Variants in TCF7L1 observed in about 807,000 individuals in gnomAD.
TCF7L1 encodes the protein transcription factor 7-like 1.
A neutral mutation model predicts 63.7 loss-of-function variants in TCF7L1; 18 were observed. That is an observed-to-expected ratio of 0.28 (90% CI 0.20 to 0.42). The LOEUF is 0.42. TCF7L1 is among the 10% of genes least tolerant of loss of function. The probability of loss-of-function intolerance (pLI) is 1.00; values close to 1 mark genes in which losing one functional copy is unlikely to be tolerated. For missense variants in TCF7L1, 654 were observed against 779.3 expected (o/e 0.84, Z 1.91); for synonymous variants, 355 against 340.9 (o/e 1.04, Z -0.46).
chr2:85,284,875 C>T (rs1436920594), intron 4 of TCF7L1, among the ~76,000 whole-genome samples: 2 of 152,166 alleles, frequency 1.3e-5, no homozygotes, highest in Non-Finnish European at 2.9e-5. Flanking sequence ...CCCAGAATTT[C>T]CCTCCTGCTA....
At chr2:85,168,492 T>G (rs1042168019) in intron 3 of TCF7L1, among the ~76,000 whole-genome samples, 2 of 151,990 alleles carry the variant, frequency 1.3e-5, no homozygotes, top group African/African-American at 4.8e-5. Flanking sequence ...TCAGGTGGTG[T>G]GGGGGTGTCG....
At chr2:85,164,498 G>T (rs772494357) in intron 3 of TCF7L1, among the ~76,000 whole-genome samples, 7 of 152,172 alleles carry the variant, frequency 4.6e-5, no homozygotes, top group Non-Finnish European at 1.0e-4. Flanking sequence ...GAACAGGTTG[G>T]GGAGTGGCAG....
chr2:85,206,522 T>G (rs1679413876), intron 3 of TCF7L1, among the ~76,000 whole-genome samples: 1 of 152,236 alleles, frequency 6.6e-6, no homozygotes, highest in African/African-American at 2.4e-5. Flanking sequence ...AAGTCATGAT[T>G]TCATTTAATT....
At chr2:85,163,147 C>T (rs1049888153) in intron 3 of TCF7L1, among the ~76,000 whole-genome samples, 3 of 152,164 alleles carry the variant, frequency 2.0e-5, no homozygotes, top group Admixed American at 6.5e-5. Context: ...AATGGTCATG[C>T]CCAGCCTCCA....
intron 3 of TCF7L1, among the ~76,000 whole-genome samples, chr2:85,179,805 G>A (rs1678759165): frequency 6.6e-6 from 1 of 152,136 alleles, no homozygotes; most frequent in South Asian, 2.1e-4. Flanking sequence ...TCCACGGCAA[G>A]TGCATAAAAA....
intron 4 of TCF7L1, among the ~76,000 whole-genome samples, chr2:85,299,696 G>A (rs1681917743): frequency 1.3e-5 from 2 of 151,664 alleles, no homozygotes; most frequent in South Asian, 2.1e-4. Context: ...GTGAAACCGC[G>A]TCTCTACAAA....
intron 4 of TCF7L1, among the ~76,000 whole-genome samples, chr2:85,285,050 G>A (rs1042624505): frequency 2.0e-5 from 3 of 152,088 alleles, no homozygotes; most frequent in Non-Finnish European, 2.9e-5. Flanking sequence ...TGGCTAACAC[G>A]GTGAAACACC....
chr2:85,297,753 C>T (rs10178604), intron 4 of TCF7L1, among the ~76,000 whole-genome samples: 79,423 of 151,456 alleles, frequency 0.52, 21,430 homozygotes, highest in East Asian at 0.9. Flanking sequence ...CCACTACACT[C>T]CAGCCTGGGG....
chr2:85,157,610 A>G (rs1678180586), intron 3 of TCF7L1, among the ~76,000 whole-genome samples: 1 of 152,218 alleles, frequency 6.6e-6, no homozygotes, highest in Non-Finnish European at 1.5e-5. Flanking sequence ...TGAACTGGGG[A>G]CCCATGGGGT....
intron 4 of TCF7L1, among the ~76,000 whole-genome samples, chr2:85,295,083 A>T (rs573093810): frequency 6.6e-6 from 1 of 152,276 alleles, no homozygotes; most frequent in East Asian, 1.9e-4. Context: ...TCTTCTTACC[A>T]GTATACCTGT....
At chr2:85,221,043 A>G (rs1679829911) in intron 3 of TCF7L1, among the ~76,000 whole-genome samples, 1 of 152,252 alleles carries the variant, frequency 6.6e-6, no homozygotes, top group Non-Finnish European at 1.5e-5. Flanking sequence ...GTCTATTGTT[A>G]CGCACTCAGG....
chr2:85,276,534 C>T (rs1028572598), intron 3 of TCF7L1, among the ~76,000 whole-genome samples: 8 of 152,122 alleles, frequency 5.3e-5, no homozygotes, highest in African/African-American at 1.9e-4. Flanking sequence ...AGAAGCGATC[C>T]GTGTCTCCCC....
intron 3 of TCF7L1, among the ~76,000 whole-genome samples, chr2:85,270,591 G>GCCATGGTCTA (rs1452146870): frequency 6.6e-6 from 1 of 152,184 alleles, no homozygotes; most frequent in Non-Finnish European, 1.5e-5. Flanking sequence ...AAGAAAGAGT[G>GCCATGGTCTA]CCATGGTCTA....
intron 3 of TCF7L1, among the ~76,000 whole-genome samples, chr2:85,179,241 C>CTAT (rs750637073): frequency 3.9e-5 from 6 of 152,152 alleles, no homozygotes; most frequent in Non-Finnish European, 7.4e-5. Context: ...GGTTTGTTTC[C>CTAT]TATTAGCCAG....
At chr2:85,228,862 A>T (rs906292867) in intron 3 of TCF7L1, among the ~76,000 whole-genome samples, 4 of 150,558 alleles carry the variant, frequency 2.7e-5, no homozygotes, top group Admixed American at 2.6e-4. Context: ...AAAAAAAAAA[A>T]TACAAAAAAT....
At chr2:85,162,746 T>C (rs1410452342) in intron 3 of TCF7L1, among the ~76,000 whole-genome samples, 1 of 152,168 alleles carries the variant, frequency 6.6e-6, no homozygotes. Flanking sequence ...GCTGTCAGTT[T>C]GTTTCTGGAA....
chr2:85,291,577 TG>T (rs773141464), intron 4 of TCF7L1, among the ~76,000 whole-genome samples: 12,254 of 152,228 alleles, frequency 0.08, 676 homozygotes, highest in African/African-American at 0.16. Flanking sequence ...GTTTTGGTTT[TG>T]GTTTTGGTTT....
chr2:85,267,649 CAAAAAA>C (rs200180895), intron 3 of TCF7L1, among the ~76,000 whole-genome samples: 1 of 98,588 alleles, frequency 1.0e-5, no homozygotes, highest in Non-Finnish European at 2.0e-5. Context: ...GACTCTGTCT[CAAAAAA>C]AAAAAAAAAA....
chr2:85,240,773 C>T (rs909322090), intron 3 of TCF7L1, among the ~76,000 whole-genome samples: 2 of 140,492 alleles, frequency 1.4e-5, no homozygotes, highest in Non-Finnish European at 3.0e-5. Flanking sequence ...AAGACTCTTG[C>T]CTCAAAAAAA....
Sources: gnomAD v4.1 joint callset for allele counts (sites outside exome capture counted in the v4.1 genomes callset) on GRCh38, gnomAD v4.1.1 for gene constraint, MANE v1.5 for transcripts, NCBI Gene and HGNC (gene_info 2026-07-23, HGNC 2026-07-21) for gene names.